The following HSPD1 variants were observed in gnomAD, a reference collection of about 807,000 sequenced individuals.
HSPD1 encodes 60 kDa heat shock protein, mitochondrial.
HSPD1 carries 3 observed loss-of-function variants against 53.0 expected under a neutral mutation model. The observed-to-expected ratio is 0.06, with a 90% CI of 0.03 to 0.15. The LOEUF is 0.15. HSPD1 is among the 10% of genes least tolerant of loss of function. The pLI, the probability that HSPD1 is intolerant of heterozygous loss-of-function variation, is 1.00. For missense variants in HSPD1, 431 were observed against 694.1 expected, an observed-to-expected ratio of 0.62 and a Z score of 4.26; for synonymous variants, 200 against 228.0, an observed-to-expected ratio of 0.88 and a Z score of 1.10.
chr2:197,497,057 T>C, intron 3 of HSPD1, 83 bp downstream of exon 3: 1 of 1,348,794 alleles, frequency 7.4e-7, no homozygotes, highest in Non-Finnish European at 1.1e-6. Flanking sequence ...TTCCTCAAGT[T>C]AACACTTTCC....
Position 197,488,133 on chromosome 2 carries a change from C to T in HSPD1, c.1391-97G>A, listed in dbSNP as rs1344076364. On this transcript the variant is annotated intron_variant, in intron 10 of 11. Coordinates refer to ENST00000388968, the MANE Select transcript of HSPD1 (RefSeq NM_002156.5). ...GATATTGATGTAGGGAAATCCCAAT[C>T]CTACTACAGATCAAATCATTTCCTC... 50 of 1,027,670 alleles carry T rather than the reference C, an allele frequency of 4.9e-5. No individual in the cohort carries two copies. The Middle Eastern group carries it at 6.9e-4, about 14-fold the overall frequency. The allele number at this position is 1,027,670 out of a possible 1,614,324, so 63.7% of individuals were successfully genotyped here. A position where few individuals can be genotyped will look rare whatever the true frequency, so the allele number is the denominator to read the frequency against.
In HSPD1 at chr2:197,495,488, A is replaced by ATT. The variant is rs1559303031; in HGVS notation, c.428-113_428-112insAA. ...TTTAATGCCTTAACTTAAAAAAAAAAATTTTTTTTTTTTTTGAGACAGGGT... is the reference window on the plus strand; with the variant it reads ...TTTAATGCCTTAACTTAAAAAAAAAATTATTTTTTTTTTTTTTGAGACAGGGT... On this transcript the variant is annotated intron_variant, in intron 3 of 11. Transcript: ENST00000388968. 29 of 791,084 alleles carry ATT rather than the reference A, an allele frequency of 3.7e-5. No homozygotes were observed. The African/African-American group carries it at 4.5e-4, about 12-fold the overall frequency. The allele number at this position is 791,084 out of a possible 1,614,324, so 49.0% of individuals were successfully genotyped here.
chr2:197,496,408 G>T (rs914207596), intron 3 of HSPD1, among the ~76,000 whole-genome samples: 1 of 151,552 alleles, frequency 6.6e-6, no homozygotes, highest in African/African-American at 2.4e-5. Flanking sequence ...TAGTAATGTA[G>T]TAATAAATTA....
At chr2:197,487,581 C>T (rs2086042058) in intron 11 of HSPD1, among the ~76,000 whole-genome samples, 1 of 152,204 alleles carries the variant, frequency 6.6e-6, no homozygotes, top group South Asian at 2.1e-4. Flanking sequence ...ATTCTTACTG[C>T]CAGGCAGGAA....
rs1360983389 is a variant in HSPD1, at chr2:197,496,815, T to A, written c.427+325A>T. 7.9e-6 allele frequency: 3 copies of A among 380,386 alleles called. No individual in the cohort carries two copies. The Admixed American group carries it at 1.2e-4, about 15-fold the overall frequency. 23.6% of individuals were successfully genotyped at this position (380,386 alleles called of 1,614,324 possible). On this transcript the variant is annotated intron_variant, in intron 3 of 11. Coordinates refer to ENST00000388968, the MANE Select transcript of HSPD1 (RefSeq NM_002156.5). ...CAGGAATGGTGGTGAGTGCCTGTAG[T>A]AGTCCCAGCTACTTGGAGGCTGAGG...
In HSPD1 at chr2:197,488,381, A is replaced by G. The variant is rs764715345; in HGVS notation, c.1326T>C (p.Cys442=). The part of the protein sequence containing the change: ...VEEGIVLGGG[C]ALLRCIPALD... The stretch of plus-strand genomic sequence containing the variant: ...AGGCTGGAATGCATCGAAGGAGGGC[A>G]CAACCCCCTCCCAAAACAATGCCTT... Residue 442 remains cysteine (C), a synonymous_variant, in exon 10 of 12, where the codon TGT becomes TGC. Transcript: ENST00000388968. 6.2e-7 allele frequency: 1 copy of G among 1,613,732 alleles called. No individual in the cohort carries two copies. Among genetic ancestry groups the G allele is most frequent in the African/African-American group, 1.3e-5 (1 of 74,934 alleles).
chr2:197,487,807 A>G, intron 11 of HSPD1, 51 bp downstream of exon 11: 1 of 1,482,618 alleles, frequency 6.7e-7, no homozygotes, highest in Non-Finnish European at 9.4e-7. Context: ...GTGAGGATAC[A>G]TTAACAAAAT....
At chr2:197,498,640 A>C in intron 2 of HSPD1, 35 bp downstream of exon 2, 1 of 1,572,964 alleles carries the variant, frequency 6.4e-7, no homozygotes, top group Non-Finnish European at 8.8e-7. Flanking sequence ...GCTATTAATA[A>C]TACCGTAATT....
At position 197,490,255 on chromosome 2, in the gene HSPD1, C is replaced by T; in HGVS notation, c.911G>A (p.Gly304Glu). Residue 304 changes from glycine to glutamate, a missense_variant, in exon 8 of 12, where the codon GGG (glycine) becomes GAG (glutamate). By Grantham distance (98) the Gly-to-Glu change is moderately conservative. Coordinates refer to ENST00000388968, the MANE Select transcript of HSPD1 (RefSeq NM_002156.5). Reference sequence around the variant, plus strand: ...CTGGTTCTTTCTATTGTCACCAAACCCTGGAGCCTTGACTGCCACAACCTG... The same window carrying T: ...CTGGTTCTTTCTATTGTCACCAAACTCTGGAGCCTTGACTGCCACAACCTG... ...GLQVVAVKAP[G>E]FGDNRKNQLK... 1 of 1,614,000 alleles carries T rather than the reference C, an allele frequency of 6.2e-7. No homozygotes were observed.
chr2:197,499,388 T>C (rs1180950070), intron 1 of HSPD1: 1 of 163,238 alleles, frequency 6.1e-6, no homozygotes, highest in Admixed American at 5.9e-5. Flanking sequence ...GTGTCCTTCT[T>C]TCCGAACGCC....
intron 3 of HSPD1, 123 bp from the exon 4 acceptor site, chr2:197,495,499 T>C: frequency 1.4e-6 from 1 of 705,754 alleles, no homozygotes; most frequent in South Asian, 1.7e-5. Flanking sequence ...ATTTTTTTTT[T>C]TTTTGAGACA....
At chr2:197,494,612 C>A (rs764465950) in intron 5 of HSPD1, 45 bp downstream of exon 5, 4 of 858,006 alleles carry the variant, frequency 4.7e-6, no homozygotes, top group Non-Finnish European at 6.9e-6. Flanking sequence ...AACTTTTGAT[C>A]ATAAGATAAC....
intron 8 of HSPD1, 42 bp downstream of exon 8, chr2:197,490,155 T>TATA: frequency 7.7e-7 from 1 of 1,294,518 alleles, no homozygotes; most frequent in Admixed American, 1.7e-5. Flanking sequence ...TCCAGACAAG[T>TATA]ATAAACATTC....
At chr2:197,500,196 C>T, upstream of HSPD1, 1 of 594,596 alleles carries the variant, frequency 1.7e-6, no homozygotes, top group South Asian at 2.1e-5. Context: ...GAAACAGCTC[C>T]TTTTTTCTTC....
intron 3 of HSPD1, 45 bp downstream of exon 3, chr2:197,497,095 G>C (rs1198177761): frequency 6.3e-7 from 1 of 1,592,204 alleles, no homozygotes. Flanking sequence ...ATGCCTTAAA[G>C]CACACTGAAG....
At chr2:197,497,065 TCCTTAG>T (rs758502294) in intron 3 of HSPD1, 69 bp downstream of exon 3, 2 of 1,406,270 alleles carry the variant, frequency 1.4e-6, no homozygotes, top group Non-Finnish European at 2.0e-6. Context: ...GTTAACACTT[TCCTTAG>T]GTCCAAGGAA....
In HSPD1 at chr2:197,487,838, G is replaced by A. The variant is rs779576062; in HGVS notation, c.1569+20C>T. The stretch of plus-strand genomic sequence containing the variant: ...AAAATGAACAACAAAAGAATTTTTA[G>A]AAAGTGTTCAACCATTTACCTTTGT... On this transcript the variant is annotated intron_variant, in intron 11 of 11. Transcript: ENST00000388968. 3 of 1,601,012 alleles carry A rather than the reference G, an allele frequency of 1.9e-6. No individual in the cohort carries two copies. In the South Asian group the frequency reaches 3.3e-5, roughly 18 times the overall value.
intron 6 of HSPD1, among the ~76,000 whole-genome samples, chr2:197,493,771 C>G (rs1220041964): frequency 2.6e-5 from 4 of 152,168 alleles, no homozygotes; most frequent in Non-Finnish European, 4.4e-5. Flanking sequence ...TCAAAACCAG[C>G]CTGGCCAACA....
intron 8 of HSPD1, among the ~76,000 whole-genome samples, chr2:197,489,803 C>A (rs1201222228): frequency 6.6e-6 from 1 of 151,568 alleles, no homozygotes; most frequent in African/African-American, 2.4e-5. Flanking sequence ...TGCAGTAAGC[C>A]AAGATCGTGC....
Sources: gnomAD v4.1 joint callset for allele counts (sites outside exome capture counted in the v4.1 genomes callset) on GRCh38, gnomAD v4.1.1 for gene constraint, MANE v1.5 for transcripts, NCBI Gene and HGNC (gene_info 2026-07-23, HGNC 2026-07-21) for gene names.